The following FRAS1 variants were observed in gnomAD, a reference collection of about 807,000 sequenced individuals.
FRAS1 encodes extracellular matrix organizing protein FRAS1.
FRAS1 carries 290 observed loss-of-function variants against 435.2 expected under a neutral mutation model. The ratio of observed to expected loss-of-function variants is 0.67; its 90% CI spans 0.61 to 0.73. FRAS1 has a LOEUF of 0.73. Among genes scored for constraint, FRAS1 ranks in the 30% least tolerant of loss-of-function variants. The pLI is 0.00. For synonymous variants in FRAS1, 1,800 were observed against 1,851.0 expected (o/e 0.97, Z 0.71); for missense variants, 4,860 against 5,001.5 (o/e 0.97, Z 0.85).
At chr4:78,202,771 A>G (rs997093868) in intron 2 of FRAS1, among the ~76,000 whole-genome samples, 1 of 152,176 alleles carries the variant, frequency 6.6e-6, no homozygotes, top group Non-Finnish European at 1.5e-5. Context: ...CGGAACCCAC[A>G]TGTTTTATCA....
chr4:78,281,944 C>T (rs971015136), intron 11 of FRAS1, among the ~76,000 whole-genome samples: 8 of 152,164 alleles, frequency 5.3e-5, no homozygotes, highest in African/African-American at 1.4e-4. Flanking sequence ...AAGACGGGTC[C>T]GCTTTCAAAT....
At chr4:78,272,919 A>G (rs1414828423) in intron 9 of FRAS1, among the ~76,000 whole-genome samples, 5 of 152,132 alleles carry the variant, frequency 3.3e-5, no homozygotes, top group African/African-American at 1.2e-4. Context: ...GGCCATTTTC[A>G]TGATGTTGAT....
intron 38 of FRAS1, among the ~76,000 whole-genome samples, chr4:78,433,427 AGTTCCAACT>A (rs1352699208): frequency 2.6e-5 from 4 of 152,242 alleles, no homozygotes. Flanking sequence ...CTAATCTTAA[AGTTCCAACT>A]AATGACCTAG....
chr4:78,175,373 G>C (rs1721724380), intron 2 of FRAS1, among the ~76,000 whole-genome samples: 1 of 152,150 alleles, frequency 6.6e-6, no homozygotes, highest in Non-Finnish European at 1.5e-5. Flanking sequence ...TCTCCCATCT[G>C]TGTGCCCCGG....
At chr4:78,205,603 G>A (rs1176027811) in intron 2 of FRAS1, among the ~76,000 whole-genome samples, 1 of 152,218 alleles carries the variant, frequency 6.6e-6, no homozygotes, top group Non-Finnish European at 1.5e-5. Context: ...TCTAGTTACT[G>A]CTGAACTATC....
rs182931994 is a variant in FRAS1, at chr4:78,421,272, C to T, written c.4541-591C>T. On this transcript the variant is annotated intron_variant, in intron 33 of 73. Coordinates refer to ENST00000512123, the MANE Select transcript of FRAS1 (RefSeq NM_025074.7). ...AAGGGATTCTCCTGCCTCAGCCTCC[C>T]GGGTAGCTGGGATTACGGGTGCGTG... Among the ~76,000 whole-genome samples the T allele has an allele frequency of 5.3e-5, 8 of 152,184 alleles. 1 individual carries two copies. In the East Asian group the frequency reaches 7.7e-4, roughly 15 times the overall value.
intron 29 of FRAS1, among the ~76,000 whole-genome samples, 157 bp from the exon 30 acceptor site, chr4:78,400,577 A>T (rs1001470405): frequency 6.6e-6 from 1 of 151,730 alleles, no homozygotes; most frequent in Admixed American, 6.6e-5. Context: ...GCATGTCTAC[A>T]CATAATACAA....
chr4:78,265,458 T>C (rs1726303516), intron 7 of FRAS1, among the ~76,000 whole-genome samples: 1 of 152,146 alleles, frequency 6.6e-6, no homozygotes, highest in South Asian at 2.1e-4. Flanking sequence ...TTTGGTTGGA[T>C]TTTATGCATT....
In FRAS1 at chr4:78,481,681, A is replaced by G. The variant is rs370188007; in HGVS notation, c.8444-123A>G. Reference sequence around the variant, plus strand: ...GCCATAGGAGCATCACTGAAGCTAGATTAGAAAAGCTCAAAGGGCTAAAAG... The same window carrying G: ...GCCATAGGAGCATCACTGAAGCTAGGTTAGAAAAGCTCAAAGGGCTAAAAG... On this transcript the variant is annotated intron_variant, in intron 56 of 73. Coordinates refer to ENST00000512123, the MANE Select transcript of FRAS1 (RefSeq NM_025074.7). The G allele has an allele frequency of 4.8e-6, 5 of 1,038,712 alleles. No individual in the cohort carries two copies. The East Asian group carries it at 7.1e-5, about 15-fold the overall frequency. The allele number at this position is 1,038,712 out of a possible 1,614,324, so 64.3% of individuals were successfully genotyped here. A position where few individuals can be genotyped will look rare whatever the true frequency, so the allele number is the denominator to read the frequency against.
chr4:78,122,738 C>A (rs1719102724), intron 2 of FRAS1, among the ~76,000 whole-genome samples: 1 of 152,158 alleles, frequency 6.6e-6, no homozygotes, highest in Non-Finnish European at 1.5e-5. Context: ...TGATGATGAG[C>A]CTTTTTTCAT....
chr4:78,211,956 A>G (rs2866995), intron 2 of FRAS1, among the ~76,000 whole-genome samples: 51,988 of 151,970 alleles, frequency 0.34, 8,881 homozygotes, highest in Admixed American at 0.37. Flanking sequence ...AAGATCTGCC[A>G]TTTTGTGTTT....
At position 78,452,618 on chromosome 4, in the gene FRAS1, C is replaced by T. The variant is rs574529102; in HGVS notation, c.6763+264C>T. Among the ~76,000 whole-genome samples the T allele has an allele frequency of 7.7e-4, 117 of 152,258 alleles. 1 individual carries two copies. The highest frequency in any genetic ancestry group is 3.3e-3 in the Admixed American group (50 of 15,300). On this transcript the variant is annotated intron_variant, in intron 47 of 73. Transcript: ENST00000512123. Reference sequence around the variant, plus strand: ...TGTCTCCATAACTAGATGGTAAATTCCTTTAGGGCAAACACTGCATCCTGC... The same window carrying T: ...TGTCTCCATAACTAGATGGTAAATTTCTTTAGGGCAAACACTGCATCCTGC...
rs757592797 is a variant in FRAS1, at chr4:78,363,509, C to T, written c.2423-4C>T. On this transcript the variant is annotated splice_region_variant and splice_polypyrimidine_tract_variant and intron_variant, in intron 20 of 73. Coordinates refer to ENST00000512123, the MANE Select transcript of FRAS1 (RefSeq NM_025074.7). ...CCTTCTCTGTGCTCCCCTTCCCCCT[C>T]CAGACTGCCATCACCTGTGCCAGCA... 1.9e-6 allele frequency: 3 copies of T among 1,606,474 alleles called. No individual in the cohort carries two copies. The highest frequency in any genetic ancestry group is 2.6e-6 in the Non-Finnish European group (3 of 1,175,536).
At chr4:78,342,553 A>AT (rs1309018916) in intron 20 of FRAS1, among the ~76,000 whole-genome samples, 2,635 of 151,010 alleles carry the variant, frequency 0.017, 71 homozygotes, top group African/African-American at 0.06. Context: ...ATTAGAAAAA[A>AT]TTTTTTTTTT....
intron 41 of FRAS1, 121 bp from the exon 42 acceptor site, chr4:78,445,401 A>G: frequency 7.5e-7 from 1 of 1,328,656 alleles, no homozygotes; most frequent in Non-Finnish European, 9.8e-7. Context: ...CCACTCTCCC[A>G]ACTTTATCCT....
At chr4:78,336,092 C>T (rs1250773148) in intron 19 of FRAS1, among the ~76,000 whole-genome samples, 1 of 152,026 alleles carries the variant, frequency 6.6e-6, no homozygotes, top group African/African-American at 2.4e-5. Flanking sequence ...AAATTAATAT[C>T]TGTTACATTC....
intron 2 of FRAS1, among the ~76,000 whole-genome samples, chr4:78,140,395 T>C (rs1444010865): frequency 6.6e-6 from 1 of 152,182 alleles, no homozygotes; most frequent in Non-Finnish European, 1.5e-5. Flanking sequence ...TTTAGATCTC[T>C]AGTTCAGATG....
At chr4:78,116,600 C>G (rs6857278) in intron 2 of FRAS1, among the ~76,000 whole-genome samples, 32,975 of 152,040 alleles carry the variant, frequency 0.22, 3,948 homozygotes, top group Admixed American at 0.29. Flanking sequence ...TTCTTTGTCT[C>G]TTTTGATCTT....
intron 2 of FRAS1, among the ~76,000 whole-genome samples, chr4:78,101,246 A>G (rs1382710133): frequency 1.3e-5 from 2 of 152,136 alleles, no homozygotes; most frequent in South Asian, 2.1e-4. Flanking sequence ...ATGTGAAGGG[A>G]CAAGTTTTAG....
Sources: gnomAD v4.1 joint callset for allele counts (sites outside exome capture counted in the v4.1 genomes callset) on GRCh38, gnomAD v4.1.1 for gene constraint, MANE v1.5 for transcripts, NCBI Gene and HGNC (gene_info 2026-07-23, HGNC 2026-07-21) for gene names.